The following HERC3 variants were observed in gnomAD, a reference collection of about 807,000 sequenced individuals.
HERC3 encodes probable E3 ubiquitin-protein ligase HERC3.
A neutral mutation model predicts 129.9 loss-of-function variants in HERC3; 58 were observed. The ratio of observed to expected loss-of-function variants is 0.45; its 90% confidence interval spans 0.36 to 0.56. HERC3 has a LOEUF of 0.56. Among genes scored for constraint, HERC3 ranks in the 20% least tolerant of loss-of-function variants. The pLI is 0.00. For missense variants in HERC3, 835 were observed against 1,244.2 expected (o/e 0.67, Z 4.95); for synonymous variants, 430 against 451.0 (o/e 0.95, Z 0.59).
chr4:88,667,982 G>C lies in HERC3; in HGVS notation c.1534G>C (p.Glu512Gln). The C allele has an allele frequency of 6.2e-7, 1 of 1,612,184 alleles. No individual in the cohort carries two copies. Among genetic ancestry groups the C allele is most frequent in the Non-Finnish European group, 8.5e-7 (1 of 1,178,282 alleles). The change falls in exon 14 of 26, where the codon GAG (glutamate) becomes CAG (glutamine). Residue 512 changes from glutamate to glutamine, a missense_variant. Glu to Gln is a conservative substitution (Grantham distance 29). Coordinates refer to ENST00000402738, the MANE Select transcript of HERC3 (RefSeq NM_014606.3). The stretch of plus-strand genomic sequence containing the variant: ...CATGAGAATCTATTTAATACTACCT[G>C]AGTTTCCCCTACTCCAGGATTCCAA... ...EAMRIYLILP[E>Q]FPLLQDSKYY... is the part of the protein sequence containing the mutation.
the HERC3 span, among the ~76,000 whole-genome samples, chr4:88,572,875 T>A: frequency 6.6e-6 from 1 of 152,020 alleles, no homozygotes; most frequent in Non-Finnish European, 1.5e-5. Flanking sequence ...TAAAGTTATA[T>A]AAATGGGGAA....
chr4:88,635,310 G>A (rs188974002), intron 3 of HERC3, among the ~76,000 whole-genome samples: 75 of 152,046 alleles, frequency 4.9e-4, no homozygotes, highest in Admixed American at 2.7e-3. Context: ...GAACGTAAAC[G>A]ACCTGATGAA....
At chr4:88,603,330 C>T (rs966336688) in intron 2 of HERC3, among the ~76,000 whole-genome samples, 3 of 151,708 alleles carry the variant, frequency 2.0e-5, no homozygotes, top group African/African-American at 7.3e-5. Flanking sequence ...GCCTCAGCCT[C>T]CCGAGTAGCT....
At chr4:88,594,887 A>G (rs567210738) in intron 1 of HERC3, among the ~76,000 whole-genome samples, 1 of 152,122 alleles carries the variant, frequency 6.6e-6, no homozygotes, top group South Asian at 2.1e-4. Flanking sequence ...GGATCACTTG[A>G]GGTCAGGAGT....
chr4:88,609,037 C>A (rs1723987593), intron 3 of HERC3, among the ~76,000 whole-genome samples: 1 of 151,540 alleles, frequency 6.6e-6, no homozygotes, highest in Non-Finnish European at 1.5e-5. Context: ...ACCTGTAATC[C>A]CATCACTTTG....
At chr4:88,686,402 C>A (rs988189690) in intron 21 of HERC3, among the ~76,000 whole-genome samples, 9 of 152,132 alleles carry the variant, frequency 5.9e-5, no homozygotes, top group Non-Finnish European at 1.2e-4. Context: ...ATACCATCTC[C>A]TCATTTATAT....
At chr4:88,561,672 C>T in the HERC3 span, among the ~76,000 whole-genome samples, 1 of 152,066 alleles carries the variant, frequency 6.6e-6, no homozygotes. Flanking sequence ...ATTATCCTTT[C>T]CAACATCTAG....
intron 12 of HERC3, among the ~76,000 whole-genome samples, chr4:88,664,637 A>G (rs1730850302): frequency 6.6e-6 from 1 of 152,248 alleles, no homozygotes; most frequent in African/African-American, 2.4e-5. Flanking sequence ...TGGTAGAATC[A>G]TCAGTAAGAT....
chr4:88,600,597 G>T (rs1722869852), intron 2 of HERC3, among the ~76,000 whole-genome samples: 2 of 152,156 alleles, frequency 1.3e-5, no homozygotes, highest in Non-Finnish European at 2.9e-5. Flanking sequence ...TATTTTTTAT[G>T]GGTTGTCATC....
intron 3 of HERC3, among the ~76,000 whole-genome samples, chr4:88,612,587 C>T (rs912694216): frequency 1.3e-5 from 2 of 152,160 alleles, no homozygotes; most frequent in Non-Finnish European, 2.9e-5. Context: ...ACATTCCTCT[C>T]TCACATGACT....
At chr4:88,697,485 T>G (rs755728167) in intron 23 of HERC3, 11 of 1,614,056 alleles carry the variant, frequency 6.8e-6, no homozygotes, top group Non-Finnish European at 8.5e-6. Context: ...TCTTATCGCA[T>G]CGCTTCTGCA....
chr4:88,618,888 T>G (rs1215679117), intron 3 of HERC3, among the ~76,000 whole-genome samples: 2 of 152,226 alleles, frequency 1.3e-5, no homozygotes, highest in Non-Finnish European at 2.9e-5. Context: ...TTTGTTCAGT[T>G]TAAATGAACC....
chr4:88,537,805 G>C, the HERC3 span, among the ~76,000 whole-genome samples: 1 of 152,160 alleles, frequency 6.6e-6, no homozygotes, highest in Admixed American at 6.5e-5. Flanking sequence ...ACAAGATGTA[G>C]CTCTGAAATC....
chr4:88,559,329 T>C, the HERC3 span, among the ~76,000 whole-genome samples: 1 of 152,198 alleles, frequency 6.6e-6, no homozygotes, highest in South Asian at 2.1e-4. Flanking sequence ...ATAATTTTAT[T>C]ACCTATAATT....
At chr4:88,675,428 A>G (rs1242908869) in intron 16 of HERC3, among the ~76,000 whole-genome samples, 1 of 151,958 alleles carries the variant, frequency 6.6e-6, no homozygotes, top group Non-Finnish European at 1.5e-5. Flanking sequence ...AATATAGAGC[A>G]CTCCCAGATC....
chr4:88,669,755 C>G (rs1731416772), intron 14 of HERC3, 105 bp from the exon 15 acceptor site: 2 of 920,858 alleles, frequency 2.2e-6, no homozygotes, highest in Non-Finnish European at 3.3e-6. Flanking sequence ...GTATTTTAGA[C>G]TAATGTTTAT....
At chr4:88,701,367 TTAC>T (rs1180119958) in intron 23 of HERC3, among the ~76,000 whole-genome samples, 1 of 152,216 alleles carries the variant, frequency 6.6e-6, no homozygotes, top group Admixed American at 6.5e-5. Flanking sequence ...ATCCACTGTA[TTAC>T]ACCATTTGTT....
chr4:88,555,268 C>T, the HERC3 span, among the ~76,000 whole-genome samples: 49 of 136,062 alleles, frequency 3.6e-4, no homozygotes, highest in African/African-American at 1.2e-3. Flanking sequence ...GGTGACAGAG[C>T]GAGACTCCGT....
chr4:88,691,084 G>C (rs1258302622), intron 23 of HERC3, among the ~76,000 whole-genome samples: 1 of 152,220 alleles, frequency 6.6e-6, no homozygotes, highest in Admixed American at 6.5e-5. Flanking sequence ...ATACTAGAAA[G>C]TAGAGAAGAG....
Sources: gnomAD v4.1 joint callset for allele counts (sites outside exome capture counted in the v4.1 genomes callset) on GRCh38, gnomAD v4.1.1 for gene constraint, MANE v1.5 for transcripts, NCBI Gene and HGNC (gene_info 2026-07-23, HGNC 2026-07-21) for gene names.